Variants in CTNNA2 observed in about 807,000 individuals in gnomAD.
The protein encoded by CTNNA2 is catenin alpha-2.
In CTNNA2, 42 loss-of-function variants were observed where a neutral mutation model predicts 101.0. That is an observed-to-expected ratio of 0.42 (90% CI 0.32 to 0.54). The LOEUF (loss-of-function observed/expected upper bound fraction) is 0.54. Ranked by LOEUF, CTNNA2 falls within the 20% of genes least tolerant of loss-of-function variation. The pLI, the probability that CTNNA2 is intolerant of heterozygous loss-of-function variation, is 0.14. For missense variants in CTNNA2, 871 were observed against 1,223.1 expected (o/e 0.71, Z 4.29); for synonymous variants, 450 against 456.4 (o/e 0.99, Z 0.18).
intron 3 of CTNNA2, among the ~76,000 whole-genome samples, chr2:79,840,561 A>G (rs1679720892): frequency 6.6e-6 from 1 of 152,178 alleles, no homozygotes; most frequent in African/African-American, 2.4e-5. Context: ...AATCTCTCAC[A>G]TTCTCTCATC....
intron 7 of CTNNA2, among the ~76,000 whole-genome samples, chr2:80,240,531 A>G (rs1394890047): frequency 6.6e-6 from 1 of 151,926 alleles, no homozygotes; most frequent in African/African-American, 2.4e-5. Context: ...AACCCACCCA[A>G]TCTCTTTGGC....
At chr2:79,335,332 CT>C (rs1676970754) in intron 3 of CTNNA2, among the ~76,000 whole-genome samples, 1 of 152,138 alleles carries the variant, frequency 6.6e-6, no homozygotes, top group South Asian at 2.1e-4. Flanking sequence ...AATACCAAGA[CT>C]CAGAGGGGGA....
chr2:79,244,242 T>C (rs1674669594), intron 2 of CTNNA2, among the ~76,000 whole-genome samples: 2 of 152,210 alleles, frequency 1.3e-5, no homozygotes, highest in African/African-American at 2.4e-5. Flanking sequence ...CACCCAGAAC[T>C]CCACCTGCAA....
chr2:79,711,888 T>C (rs1031961577), intron 2 of CTNNA2, among the ~76,000 whole-genome samples: 10 of 152,198 alleles, frequency 6.6e-5, no homozygotes, highest in African/African-American at 1.9e-4. Flanking sequence ...TAGTTTCTGG[T>C]GTCATGGATC....
intron 18 of CTNNA2, among the ~76,000 whole-genome samples, chr2:80,636,148 G>A (rs1672857436): frequency 6.6e-6 from 1 of 151,970 alleles, no homozygotes; most frequent in Admixed American, 6.6e-5. Context: ...AGGACCAAAG[G>A]CAGCAAGATT....
intron 7 of CTNNA2, among the ~76,000 whole-genome samples, chr2:80,097,147 G>T (rs1043228997): frequency 3.3e-5 from 5 of 152,174 alleles, no homozygotes. Context: ...GCTGGTACCG[G>T]TTGTTCCTTT....
At chr2:79,566,415 A>C (rs1675115914) in intron 1 of CTNNA2, among the ~76,000 whole-genome samples, 2 of 152,210 alleles carry the variant, frequency 1.3e-5, no homozygotes, top group Admixed American at 6.5e-5. Context: ...TTTGTTATGA[A>C]AAATGATTTC....
intron 7 of CTNNA2, among the ~76,000 whole-genome samples, chr2:80,308,637 T>G (rs1324434484): frequency 6.6e-6 from 1 of 152,144 alleles, no homozygotes; most frequent in African/African-American, 2.4e-5. Flanking sequence ...GAAATTGAGG[T>G]CATTCTACTT....
chr2:80,318,423 A>G (rs1473731291), intron 7 of CTNNA2, among the ~76,000 whole-genome samples: 1 of 152,022 alleles, frequency 6.6e-6, no homozygotes, highest in Non-Finnish European at 1.5e-5. Flanking sequence ...GTGAAGATAG[A>G]GTTGGGATAG....
intron 7 of CTNNA2, among the ~76,000 whole-genome samples, chr2:80,175,727 G>T (rs1197450602): frequency 3.3e-5 from 5 of 152,188 alleles, no homozygotes; most frequent in African/African-American, 1.2e-4. Flanking sequence ...AAGCTGAGGA[G>T]CAAGGAATCC....
intron 8 of CTNNA2, among the ~76,000 whole-genome samples, chr2:80,404,131 G>A (rs1678832927): frequency 6.6e-6 from 1 of 152,138 alleles, no homozygotes; most frequent in Non-Finnish European, 1.5e-5. Context: ...CACAAAATGA[G>A]GGTGTATGTG....
chr2:80,027,419 C>T (rs891092914), intron 7 of CTNNA2, among the ~76,000 whole-genome samples: 4 of 152,130 alleles, frequency 2.6e-5, no homozygotes, highest in South Asian at 2.1e-4. Context: ...GACAGGTCTA[C>T]GAAAATGTCA....
intron 2 of CTNNA2, among the ~76,000 whole-genome samples, chr2:79,241,904 C>G (rs900117446): frequency 1.3e-5 from 2 of 151,168 alleles, no homozygotes; most frequent in Non-Finnish European, 2.9e-5. Flanking sequence ...CTTTTCTTTT[C>G]TTTTCTTTTC....
intron 3 of CTNNA2, among the ~76,000 whole-genome samples, chr2:79,325,339 G>A (rs1442989171): frequency 1.3e-5 from 2 of 152,186 alleles, no homozygotes; most frequent in African/African-American, 4.8e-5. Flanking sequence ...CTGCCTGAAA[G>A]CAAAGAGAGA....
intron 7 of CTNNA2, among the ~76,000 whole-genome samples, chr2:80,389,673 A>G (rs114597633): frequency 2.4e-4 from 37 of 152,296 alleles, no homozygotes; most frequent in Non-Finnish European, 4.4e-4. Flanking sequence ...ACAAGCTACT[A>G]TTGTTATTCC....
intron 4 of CTNNA2, among the ~76,000 whole-genome samples, chr2:79,463,648 G>A (rs900129449): frequency 6.6e-6 from 1 of 152,120 alleles, no homozygotes; most frequent in African/African-American, 2.4e-5. Flanking sequence ...AAAACTACCT[G>A]ATACCTTGGA....
At chr2:80,095,892 C>T (rs932358686) in intron 7 of CTNNA2, among the ~76,000 whole-genome samples, 2 of 152,072 alleles carry the variant, frequency 1.3e-5, no homozygotes, top group African/African-American at 2.4e-5. Flanking sequence ...ATTCTTCTCT[C>T]TTTTCTTCTT....
intron 7 of CTNNA2, chr2:80,299,809 A>G (rs1189261798): frequency 6.6e-6 from 1 of 152,160 alleles, no homozygotes; most frequent in East Asian, 1.9e-4. Flanking sequence ...CTTGCCAGAA[A>G]GGTTTTGCTT....
At chr2:79,272,650 C>T (rs548864017) in intron 2 of CTNNA2, among the ~76,000 whole-genome samples, 2 of 152,076 alleles carry the variant, frequency 1.3e-5, no homozygotes, top group South Asian at 2.1e-4. Context: ...TAATACCTTG[C>T]CACTGTAAAT....
Sources: allele counts gnomAD v4.1 joint callset (sites outside exome capture counted in the v4.1 genomes callset), GRCh38; gene constraint gnomAD v4.1.1; transcripts MANE v1.5; gene names NCBI Gene and HGNC (gene_info 2026-07-23, HGNC 2026-07-21).